ZNF714: variants seen among roughly 807,000 people sequenced by gnomAD.
ZNF714 encodes the protein zinc finger protein 714.
ZNF714 carries 32 observed loss-of-function variants against 46.2 expected under a neutral mutation model. That is an observed-to-expected ratio of 0.69 (90% CI 0.52 to 0.93). The LOEUF (loss-of-function observed/expected upper bound fraction) is 0.93, where lower values mean the gene tolerates loss of function less well. Ranked by LOEUF, ZNF714 falls within the 40% of genes least tolerant of loss-of-function variation. ZNF714 has a pLI of 0.00. For missense variants in ZNF714, 635 were observed against 646.3 expected (o/e 0.98, Z 0.19); for synonymous variants, 199 against 213.1 (o/e 0.93, Z 0.58).
intron 2 of ZNF714, among the ~76,000 whole-genome samples, chr19:21,096,773 A>T (rs1178187740): frequency 6.6e-6 from 1 of 152,286 alleles, no homozygotes; most frequent in Middle Eastern, 3.4e-3. Flanking sequence ...GAGAACATAT[A>T]ATGTTGAGGT....
At chr19:21,089,192 T>G (rs184630222) in intron 2 of ZNF714, among the ~76,000 whole-genome samples, 1 of 152,308 alleles carries the variant, frequency 6.6e-6, no homozygotes, top group East Asian at 1.9e-4. Context: ...TCACTTCCAA[T>G]TCCTGGGGTT....
At chr19:21,109,918 A>G (rs1237841271) in intron 4 of ZNF714, among the ~76,000 whole-genome samples, 1 of 152,160 alleles carries the variant, frequency 6.6e-6, no homozygotes, top group Non-Finnish European at 1.5e-5. Flanking sequence ...TGCAAAGTAC[A>G]TGATGTTGTT....
At chr19:21,097,577 TTTTG>T (rs1343666615) in intron 2 of ZNF714, among the ~76,000 whole-genome samples, 6 of 152,180 alleles carry the variant, frequency 3.9e-5, no homozygotes, top group Non-Finnish European at 7.3e-5. Context: ...TCTTAGGTTT[TTTTG>T]TTTGTTTTTT....
At chr19:21,105,026 CT>C (rs34750232) in intron 4 of ZNF714, among the ~76,000 whole-genome samples, 26 of 129,742 alleles carry the variant, frequency 2.0e-4, no homozygotes, top group African/African-American at 4.6e-4. Flanking sequence ...TCATTTCTTT[CT>C]TTTTTTTTTT....
chr19:21,108,477 CT>C (rs1969373323), intron 4 of ZNF714, among the ~76,000 whole-genome samples: 1 of 152,122 alleles, frequency 6.6e-6, no homozygotes, highest in Non-Finnish European at 1.5e-5. Flanking sequence ...TCATGAATGC[CT>C]TTGTGCTATC....
intron 2 of ZNF714, among the ~76,000 whole-genome samples, chr19:21,086,238 G>A (rs994209157): frequency 6.6e-6 from 1 of 152,170 alleles, no homozygotes. Flanking sequence ...AATGTGCAGA[G>A]TTCTTACTAG....
chr19:21,100,023 T>G (rs1294605011), intron 4 of ZNF714, among the ~76,000 whole-genome samples: 1 of 151,938 alleles, frequency 6.6e-6, no homozygotes, highest in Non-Finnish European at 1.5e-5. Context: ...GCCCGGCTAA[T>G]TTTTGTATTT....
At chr19:21,100,873 A>G (rs374414716) in intron 4 of ZNF714, among the ~76,000 whole-genome samples, 7 of 151,856 alleles carry the variant, frequency 4.6e-5, no homozygotes, top group African/African-American at 1.5e-4. Context: ...ACACCTGGCT[A>G]ATTTTTTTTG....
chr19:21,111,199 TATTG>T (rs1969442817), intron 4 of ZNF714, among the ~76,000 whole-genome samples: 1 of 151,878 alleles, frequency 6.6e-6, no homozygotes, highest in Admixed American at 6.6e-5. Flanking sequence ...ATTTTTACAA[TATTG>T]ATTCTTTCTG....
chr19:21,090,335 AT>A (rs993647139), intron 2 of ZNF714, among the ~76,000 whole-genome samples: 1 of 152,142 alleles, frequency 6.6e-6, no homozygotes, highest in Admixed American at 6.6e-5. Context: ...GGTAGGAAAG[AT>A]TTTTTCCAGC....
intron 4 of ZNF714, among the ~76,000 whole-genome samples, chr19:21,112,524 C>T (rs754581354): frequency 2.0e-5 from 3 of 148,146 alleles, no homozygotes; most frequent in Non-Finnish European, 4.4e-5. Flanking sequence ...AAAACAGCTC[C>T]TGGATTCATT....
intron 4 of ZNF714, among the ~76,000 whole-genome samples, chr19:21,111,152 A>G (rs1969441869): frequency 6.6e-6 from 1 of 152,184 alleles, no homozygotes; most frequent in Non-Finnish European, 1.5e-5. Context: ...TAGTCAGAAT[A>G]GCATGGAATC....
At chr19:21,103,353 G>C (rs991671147) in intron 4 of ZNF714, among the ~76,000 whole-genome samples, 2 of 151,964 alleles carry the variant, frequency 1.3e-5, no homozygotes, top group Non-Finnish European at 2.9e-5. Flanking sequence ...AGGAGTTCCA[G>C]ACCAGCCTGG....
chr19:21,082,240 A>G lies in ZNF714; in HGVS notation c.-285A>G. The G allele has an allele frequency of 1.6e-6, 2 of 1,224,900 alleles. No homozygotes were observed. Among genetic ancestry groups the G allele is most frequent in the Non-Finnish European group, 2.3e-6 (2 of 883,250 alleles). The allele number at this position is 1,224,900 out of a possible 1,614,324, so 75.9% of individuals were successfully genotyped here. On this transcript the variant is annotated 5_prime_UTR_variant, in exon 1 of 5. Transcript: ENST00000456283. Reference sequence around the variant, plus strand: ...AGCTGGAGCTGCAGGTCTCGCCTTCACTGCCCTGTGTCCTCTGCTCGCAGA... The same window carrying G: ...AGCTGGAGCTGCAGGTCTCGCCTTCGCTGCCCTGTGTCCTCTGCTCGCAGA...
In ZNF714 at chr19:21,121,727, A is replaced by G. The variant is rs559547686; in HGVS notation, c.*3395A>G. 6.6e-6 allele frequency: 1 copy of G among 152,354 alleles called. No individual in the cohort carries two copies. The highest frequency in any genetic ancestry group is 1.9e-4 in the East Asian group (1 of 5,194). 9.4% of individuals were successfully genotyped at this position (152,354 alleles called of 1,614,324 possible). On this transcript the variant is annotated 3_prime_UTR_variant, in exon 5 of 5. Transcript: ENST00000456283. The stretch of plus-strand genomic sequence containing the variant: ...AAACCTTAAAAAATGCTGAAAGCAA[A>G]TGTATACTTTGTGCTTTGTATTGAA...
At chr19:21,116,090 A>C (rs1969590316) in intron 4 of ZNF714, among the ~76,000 whole-genome samples, 1 of 152,040 alleles carries the variant, frequency 6.6e-6, no homozygotes, top group Non-Finnish European at 1.5e-5. Flanking sequence ...TACCTGACAC[A>C]GTTTTTATCT....
chr19:21,107,346 TCTC>T (rs1377506034), intron 4 of ZNF714, among the ~76,000 whole-genome samples: 3 of 152,194 alleles, frequency 2.0e-5, no homozygotes, highest in Admixed American at 2.0e-4. Context: ...TTCAAGCAAT[TCTC>T]CTGCCTCAGC....
intron 2 of ZNF714, among the ~76,000 whole-genome samples, chr19:21,085,374 T>C (rs1187246826): frequency 6.6e-6 from 1 of 152,242 alleles, no homozygotes; most frequent in Non-Finnish European, 1.5e-5. Flanking sequence ...CCCATATGAC[T>C]AATTGTTTAC....
intron 4 of ZNF714, among the ~76,000 whole-genome samples, chr19:21,100,529 T>A (rs1335579502): frequency 6.6e-6 from 1 of 151,730 alleles, no homozygotes; most frequent in East Asian, 1.9e-4. Context: ...CAAAACTCCA[T>A]CTCAATAAAA....
Sources: gnomAD v4.1 joint callset for allele counts (sites outside exome capture counted in the v4.1 genomes callset) on GRCh38, gnomAD v4.1.1 for gene constraint, MANE v1.5 for transcripts, NCBI Gene and HGNC (gene_info 2026-07-23, HGNC 2026-07-21) for gene names.